The following MCTP2 variants were observed in gnomAD, a reference collection of about 807,000 sequenced individuals.
MCTP2 encodes the protein multiple C2 and transmembrane domain containing 2.
A neutral mutation model predicts 111.6 loss-of-function variants in MCTP2; 132 were observed. The ratio of observed to expected loss-of-function variants is 1.18; its 90% CI spans 1.03 to 1.37. MCTP2 has a LOEUF of 1.37. MCTP2 is among the 40% of genes most tolerant of loss of function. MCTP2 has a pLI of 0.00. For missense variants in MCTP2, 1,183 were observed against 1,067.9 expected (o/e 1.11, Z -1.50); for synonymous variants, 395 against 387.7 (o/e 1.02, Z -0.22).
In MCTP2 at chr15:94,464,244, ATATATATATATAT is replaced by A. The variant is rs1330745324; in HGVS notation, c.2360+6012_2360+6024del. 1.2e-4 allele frequency among the ~76,000 whole-genome samples: 7 copies of A among 60,428 alleles called. 1 individual carries two copies. Among genetic ancestry groups the A allele is most frequent in the African/African-American group, 4.0e-4 (6 of 14,826 alleles). 39.6% of individuals were successfully genotyped at this position (60,428 alleles called of 152,430 possible). On this transcript the variant is annotated intron_variant, in intron 20 of 22. Coordinates refer to ENST00000357742, the MANE Select transcript of MCTP2 (RefSeq NM_001385001.1). ...TATTATATGTTTATATATATAATAT[ATATATATATATAT>A]TATATATATATATATATATATAAAC...
intron 17 of MCTP2, among the ~76,000 whole-genome samples, chr15:94,434,767 T>A (rs929997010): frequency 3.9e-5 from 6 of 152,330 alleles, no homozygotes; most frequent in African/African-American, 1.4e-4. Context: ...TACAGCTTCA[T>A]AATAACTTGT....
chr15:94,400,284 T>C (rs114134631), intron 16 of MCTP2, among the ~76,000 whole-genome samples: 1,857 of 152,282 alleles, frequency 0.012, 33 homozygotes, highest in African/African-American at 0.041. Context: ...CAAAAATTCC[T>C]AGCATCAAGA....
intron 20 of MCTP2, among the ~76,000 whole-genome samples, chr15:94,465,131 G>A (rs1285895146): frequency 1.3e-5 from 2 of 152,098 alleles, no homozygotes; most frequent in African/African-American, 2.4e-5. Context: ...ACATTATTTG[G>A]TTTGTAGATG....
chr15:94,256,748 G>C (rs1216364440), intron 1 of MCTP2, among the ~76,000 whole-genome samples: 1 of 152,208 alleles, frequency 6.6e-6, no homozygotes. Flanking sequence ...GAGATACGGT[G>C]TATAGTTTTG....
chr15:94,448,414 G>A (rs892560315), intron 19 of MCTP2, among the ~76,000 whole-genome samples: 3 of 152,138 alleles, frequency 2.0e-5, no homozygotes, highest in African/African-American at 7.2e-5. Flanking sequence ...AATGTGCATT[G>A]CCTGACCAAA....
chr15:94,264,502 G>A (rs572259060), intron 1 of MCTP2, among the ~76,000 whole-genome samples: 57 of 152,006 alleles, frequency 3.7e-4, no homozygotes, highest in Non-Finnish European at 4.6e-4. Context: ...CCAGCTACTC[G>A]GGAGGCTGAG....
chr15:94,338,488 A>ATTTTTTTTTTTT (rs201502636), intron 4 of MCTP2, among the ~76,000 whole-genome samples: 1 of 134,196 alleles, frequency 7.5e-6, no homozygotes, highest in African/African-American at 2.8e-5. Flanking sequence ...GTTTGCAGGC[A>ATTTTTTTTTTTT]TTTTTTTTTT....
intron 1 of MCTP2, among the ~76,000 whole-genome samples, chr15:94,250,962 G>A (rs912784205): frequency 2.0e-5 from 3 of 152,208 alleles, no homozygotes; most frequent in Non-Finnish European, 4.4e-5. Context: ...GCAATACATT[G>A]ATATCTATAC....
intron 1 of MCTP2, among the ~76,000 whole-genome samples, chr15:94,285,316 C>T (rs2074698719): frequency 6.6e-6 from 1 of 152,054 alleles, no homozygotes; most frequent in African/African-American, 2.4e-5. Flanking sequence ...TCTAGACTCT[C>T]AGAAGGAAGG....
chr15:94,259,923 A>T (rs1326222707), intron 1 of MCTP2, among the ~76,000 whole-genome samples: 2 of 152,186 alleles, frequency 1.3e-5, no homozygotes, highest in Non-Finnish European at 2.9e-5. Context: ...ACCCTTGTGC[A>T]CTGAATGCCC....
chr15:94,249,488 CT>C lies in MCTP2; in HGVS notation c.-66+17839del, dbSNP rs58538119. ...CATATTTCCCACTGAGTCTCAGAATCTTTTTTTTTTTTTTTGAGACGGAGTC... is the reference window on the plus strand; with the variant it reads ...CATATTTCCCACTGAGTCTCAGAATCTTTTTTTTTTTTTTGAGACGGAGTC... On this transcript the variant is annotated intron_variant, in intron 1 of 22. Transcript: ENST00000357742. 5.0e-3 allele frequency among the ~76,000 whole-genome samples: 712 copies of C among 142,566 alleles called. 4 individuals are homozygous for C. The highest frequency in any genetic ancestry group is 6.3e-3 in the Admixed American group (89 of 14,136). 93.5% of individuals were successfully genotyped at this position (142,566 alleles called of 152,430 possible). A position where few individuals can be genotyped will look rare whatever the true frequency, so the allele number is the denominator to read the frequency against.
intron 4 of MCTP2, among the ~76,000 whole-genome samples, chr15:94,331,906 G>A (rs2077150287): frequency 1.3e-5 from 2 of 152,300 alleles, no homozygotes; most frequent in African/African-American, 4.8e-5. Flanking sequence ...GAAGACTGGG[G>A]AAGAAACTGT....
chr15:94,284,140 TG>T (rs1447846488), intron 1 of MCTP2, among the ~76,000 whole-genome samples: 2 of 152,202 alleles, frequency 1.3e-5, no homozygotes, highest in Non-Finnish European at 2.9e-5. Context: ...AATTCTACTC[TG>T]AGGTATGGTG....
chr15:94,393,535 A>C (rs182356318), intron 14 of MCTP2, among the ~76,000 whole-genome samples: 293 of 152,310 alleles, frequency 1.9e-3, no homozygotes, highest in African/African-American at 6.8e-3. Context: ...TAGTGGGGAA[A>C]TCCTATGTAA....
At chr15:94,466,112 C>A (rs1567769792) in intron 20 of MCTP2, among the ~76,000 whole-genome samples, 1 of 152,058 alleles carries the variant, frequency 6.6e-6, no homozygotes, top group East Asian at 1.9e-4. Flanking sequence ...ATCAATTTTT[C>A]TTGTTTTTCA....
intron 20 of MCTP2, among the ~76,000 whole-genome samples, chr15:94,467,070 A>ATTTATATGTATAAATGTATGG (rs943125902): frequency 3.3e-5 from 5 of 152,208 alleles, no homozygotes; most frequent in African/African-American, 9.7e-5. Context: ...TTTATAAATG[A>ATTTATATGTATAAATGTATGG]TTTATATGTA....
At chr15:94,245,326 A>G (rs2071788753) in intron 1 of MCTP2, among the ~76,000 whole-genome samples, 1 of 140,978 alleles carries the variant, frequency 7.1e-6, no homozygotes, top group African/African-American at 2.5e-5. Context: ...ATATATTTAC[A>G]TACATATGTG....
chr15:94,371,333 A>G (rs951800574), intron 12 of MCTP2, among the ~76,000 whole-genome samples: 3 of 152,194 alleles, frequency 2.0e-5, no homozygotes, highest in African/African-American at 7.2e-5. Context: ...TCTCATGTTA[A>G]TTAAGACATT....
chr15:94,311,026 T>A (rs1029058042), intron 2 of MCTP2, among the ~76,000 whole-genome samples: 8 of 142,344 alleles, frequency 5.6e-5, no homozygotes, highest in Non-Finnish European at 9.1e-5. Flanking sequence ...CTTTTTTTTT[T>A]TTTTTTTTTT....
Sources: allele counts gnomAD v4.1 joint callset (sites outside exome capture counted in the v4.1 genomes callset), GRCh38; gene constraint gnomAD v4.1.1; transcripts MANE v1.5; gene names NCBI Gene and HGNC (gene_info 2026-07-23, HGNC 2026-07-21).